The following VWA8 variants were observed in gnomAD, a reference collection of about 807,000 sequenced individuals.
VWA8 encodes von Willebrand factor A domain containing 8, also known as von Willebrand factor A domain-containing protein 8.
In VWA8, 221 loss-of-function variants were observed where a neutral mutation model predicts 241.5. The ratio of observed to expected loss-of-function variants is 0.91; its 90% CI spans 0.82 to 1.02. The LOEUF is 1.02. Ranked by LOEUF, VWA8 falls within the 50% of genes least tolerant of loss-of-function variation. The pLI is 0.00. For missense variants in VWA8, 2,322 were observed against 2,328.7 expected (o/e 1.00, Z 0.06); for synonymous variants, 852 against 827.1 (o/e 1.03, Z -0.52).
chr13:41,617,560 T>C (rs2044629188), intron 37 of VWA8, among the ~76,000 whole-genome samples: 1 of 152,366 alleles, frequency 6.6e-6, no homozygotes, highest in Non-Finnish European at 1.5e-5. Flanking sequence ...ACATATAGTA[T>C]ACACATGCCA....
At chr13:41,666,574 T>C (rs748860371) in intron 37 of VWA8, among the ~76,000 whole-genome samples, 2 of 152,130 alleles carry the variant, frequency 1.3e-5, no homozygotes, top group Admixed American at 1.3e-4. Context: ...TTGTTAACCT[T>C]TGGTAGCTTG....
At chr13:41,809,966 A>G (rs1056829444) in intron 17 of VWA8, among the ~76,000 whole-genome samples, 1 of 152,210 alleles carries the variant, frequency 6.6e-6, no homozygotes, top group Admixed American at 6.5e-5. Context: ...TCAAAAGAAG[A>G]GATACAAATG....
At chr13:41,617,202 T>C (rs1050190967) in intron 37 of VWA8, among the ~76,000 whole-genome samples, 3 of 151,970 alleles carry the variant, frequency 2.0e-5, no homozygotes, top group African/African-American at 7.3e-5. Flanking sequence ...CACCGCAACC[T>C]CCACCTTCCA....
At chr13:41,889,975 G>C (rs191732908) in intron 5 of VWA8, among the ~76,000 whole-genome samples, 29 of 152,270 alleles carry the variant, frequency 1.9e-4, no homozygotes, top group Admixed American at 7.2e-4. Context: ...CTTTCATTTT[G>C]ATAAATTAAC....
At chr13:41,934,851 T>A (rs947093306) in intron 2 of VWA8, among the ~76,000 whole-genome samples, 4 of 152,070 alleles carry the variant, frequency 2.6e-5, no homozygotes, top group Non-Finnish European at 5.9e-5. Flanking sequence ...TATATACATA[T>A]GTAAAAACAT....
chr13:41,891,128 T>C (rs1874815906), intron 5 of VWA8, among the ~76,000 whole-genome samples: 1 of 134,422 alleles, frequency 7.4e-6, no homozygotes, highest in South Asian at 2.3e-4. Flanking sequence ...AAAAAGGAGA[T>C]GGGAAAAGAG....
At chr13:41,839,561 G>C (rs952407861) in intron 12 of VWA8, among the ~76,000 whole-genome samples, 1 of 152,120 alleles carries the variant, frequency 6.6e-6, no homozygotes, top group African/African-American at 2.4e-5. Context: ...TGAAGTCTTT[G>C]CCCATGCCTA....
chr13:41,907,768 C>A, intron 3 of VWA8, 72 bp from the exon 4 acceptor site: 1 of 1,317,804 alleles, frequency 7.6e-7, no homozygotes, highest in African/African-American at 1.5e-5. Context: ...AACTAGTTAT[C>A]TGACAATGCC....
At chr13:41,904,594 C>T (rs540414921) in intron 4 of VWA8, among the ~76,000 whole-genome samples, 15 of 152,112 alleles carry the variant, frequency 9.9e-5, no homozygotes, top group African/African-American at 3.6e-4. Flanking sequence ...ATCATGGGAA[C>T]AGAAATGTAA....
chr13:41,604,490 T>C (rs2044540930), intron 40 of VWA8, among the ~76,000 whole-genome samples: 1 of 152,080 alleles, frequency 6.6e-6, no homozygotes, highest in African/African-American at 2.4e-5. Context: ...GTTAAAATGG[T>C]GGATTAAAAA....
chr13:41,787,078 G>C (rs1869227655), intron 18 of VWA8, among the ~76,000 whole-genome samples: 2 of 149,852 alleles, frequency 1.3e-5, no homozygotes, highest in Non-Finnish European at 3.0e-5. Context: ...AACATGCAAA[G>C]AAAACAGCAT....
intron 21 of VWA8, among the ~76,000 whole-genome samples, chr13:41,737,212 TTGAC>T (rs2045532495): frequency 6.6e-6 from 1 of 152,244 alleles, no homozygotes; most frequent in Admixed American, 6.5e-5. Context: ...CCTAACATCA[TTGAC>T]TGAGAGAAGT....
intron 21 of VWA8, among the ~76,000 whole-genome samples, chr13:41,748,641 G>A (rs1264734399): frequency 6.6e-6 from 1 of 151,954 alleles, no homozygotes; most frequent in Non-Finnish European, 1.5e-5. Context: ...CCTTCTGATG[G>A]TACTGGTACC....
At chr13:41,671,208 C>G in intron 36 of VWA8, 61 bp from the exon 37 acceptor site, 1 of 1,545,744 alleles carries the variant, frequency 6.5e-7, no homozygotes, top group Non-Finnish European at 8.9e-7. Flanking sequence ...AGGGATGACA[C>G]TGCACATTGT....
Position 41,685,046 on chromosome 13 carries a change from C to A in VWA8, c.4327+1G>T, listed in dbSNP as rs372031896. On this transcript the variant is annotated splice_donor_variant, in intron 35 of 44. Coordinates refer to ENST00000379310, the MANE Select transcript of VWA8 (RefSeq NM_015058.2). LOFTEE classifies it high-confidence loss of function. ...TTAGGAATTGGTGAGTTCCTTCTTACCTTTTGGGTAGATATCTTTTAGAGG... is the reference window on the plus strand; with the variant it reads ...TTAGGAATTGGTGAGTTCCTTCTTAACTTTTGGGTAGATATCTTTTAGAGG... 1.9e-6 allele frequency: 3 copies of A among 1,612,020 alleles called. No homozygotes were observed. The highest frequency in any genetic ancestry group is 2.2e-5 in the East Asian group (1 of 44,846).
intron 21 of VWA8, among the ~76,000 whole-genome samples, chr13:41,742,186 C>T (rs1019436014): frequency 6.6e-6 from 1 of 152,268 alleles, no homozygotes; most frequent in African/African-American, 2.4e-5. Context: ...ATGAAACCAT[C>T]GGAGAACCAA....
At chr13:41,607,657 G>A (rs1378011339) in intron 39 of VWA8, among the ~76,000 whole-genome samples, 2 of 152,064 alleles carry the variant, frequency 1.3e-5, no homozygotes, top group East Asian at 3.9e-4. Flanking sequence ...AGGGGATGGA[G>A]GAGAGAATAT....
chr13:41,583,659 A>AC (rs891512126), intron 42 of VWA8, among the ~76,000 whole-genome samples: 6 of 151,294 alleles, frequency 4.0e-5, no homozygotes, highest in Admixed American at 1.3e-4. Flanking sequence ...AAAAAAAAAA[A>AC]AAACAAACAA....
At chr13:41,873,679 G>T (rs1272037000) in intron 9 of VWA8, among the ~76,000 whole-genome samples, 1 of 152,188 alleles carries the variant, frequency 6.6e-6, no homozygotes, top group Non-Finnish European at 1.5e-5. Flanking sequence ...AGCTGAAATT[G>T]TGGCAATAAC....
Sources: allele counts gnomAD v4.1 joint callset (sites outside exome capture counted in the v4.1 genomes callset), GRCh38; gene constraint gnomAD v4.1.1; transcripts MANE v1.5; gene names NCBI Gene and HGNC (gene_info 2026-07-23, HGNC 2026-07-21).